HERC3: variants seen among roughly 807,000 people sequenced by gnomAD.
HERC3 encodes the protein HECT and RLD domain containing E3 ubiquitin protein ligase 3.
Under a neutral mutation model 129.9 loss-of-function variants are expected in HERC3, and 58 were observed. The ratio of observed to expected loss-of-function variants is 0.45; its 90% CI spans 0.36 to 0.56. HERC3 has a LOEUF of 0.56. Among genes scored for constraint, HERC3 ranks in the 20% least tolerant of loss-of-function variants. The pLI is 0.00. For synonymous variants in HERC3, 430 were observed against 451.0 expected, an observed-to-expected ratio of 0.95 and a Z score of 0.59; for missense variants, 835 against 1,244.2, an observed-to-expected ratio of 0.67 and a Z score of 4.95.
chr4:88,698,245 A>G (rs1359174072), intron 23 of HERC3, among the ~76,000 whole-genome samples: 2 of 152,050 alleles, frequency 1.3e-5, no homozygotes, highest in East Asian at 3.9e-4. Context: ...ATTCCTCCGC[A>G]TTCCTCTCCA....
At chr4:88,619,670 G>T (rs1725303237) in intron 3 of HERC3, among the ~76,000 whole-genome samples, 2 of 152,154 alleles carry the variant, frequency 1.3e-5, no homozygotes, top group African/African-American at 4.8e-5. Flanking sequence ...AAGCCAAAAG[G>T]TGAGTGATAG....
the HERC3 span, among the ~76,000 whole-genome samples, chr4:88,580,305 G>A: frequency 1.3e-5 from 2 of 151,974 alleles, no homozygotes; most frequent in African/African-American, 4.8e-5. Flanking sequence ...TGGGTGCATC[G>A]CTTGAGGTCA....
chr4:88,652,950 A>G lies in HERC3; in HGVS notation c.545A>G (p.Gln182Arg), dbSNP rs1231936810. ...GKEFPSQASP[Q>R]RVRSLEGIPL... ...GAGTTCCCCTCCCAAGCCAGCCCAC[A>G]GAGGGTGAGGTCCCTGGAGGGGATC... Residue 182 changes from glutamine (Q) to arginine (R), a missense_variant, in exon 6 of 26, where the codon CAG becomes CGG. By Grantham distance (43) the Gln-to-Arg change is conservative. Transcript: ENST00000402738. 1.1e-5 allele frequency: 17 copies of G among 1,614,060 alleles called. No homozygotes were observed. The highest frequency in any genetic ancestry group is 1.4e-5 in the Non-Finnish European group (16 of 1,180,044).
intron 23 of HERC3, chr4:88,693,550 T>A (rs1417691674): frequency 1.1e-6 from 1 of 949,360 alleles, no homozygotes; most frequent in Non-Finnish European, 1.3e-6. Flanking sequence ...ATGAATTAAC[T>A]AGAAGGTGGT....
At chr4:88,692,421 A>G (rs1734165390) in intron 23 of HERC3, among the ~76,000 whole-genome samples, 1 of 152,136 alleles carries the variant, frequency 6.6e-6, no homozygotes, top group Non-Finnish European at 1.5e-5. Context: ...GCCAAACTTA[A>G]GGTAAGTGCT....
chr4:88,611,153 A>G (rs1724271651), intron 3 of HERC3, among the ~76,000 whole-genome samples: 1 of 152,224 alleles, frequency 6.6e-6, no homozygotes, highest in Non-Finnish European at 1.5e-5. Flanking sequence ...TGTTAATTAT[A>G]AACTCCATAG....
the HERC3 span, among the ~76,000 whole-genome samples, chr4:88,572,115 C>A: frequency 6.6e-6 from 1 of 152,136 alleles, no homozygotes; most frequent in African/African-American, 2.4e-5. Flanking sequence ...ACAAGCCAAG[C>A]AGAGAGGTCT....
At chr4:88,698,004 G>A (rs888352463) in intron 23 of HERC3, among the ~76,000 whole-genome samples, 1 of 152,024 alleles carries the variant, frequency 6.6e-6, no homozygotes, top group Admixed American at 6.6e-5. Context: ...CTCAACACCC[G>A]CCTGTTGGAC....
chr4:88,555,692 A>G, the HERC3 span, among the ~76,000 whole-genome samples: 1 of 152,260 alleles, frequency 6.6e-6, no homozygotes, highest in Non-Finnish European at 1.5e-5. Context: ...CTAACCTGAA[A>G]TAAATTAAAA....
intron 3 of HERC3, among the ~76,000 whole-genome samples, chr4:88,608,582 A>G (rs1263932905): frequency 6.6e-6 from 1 of 152,278 alleles, no homozygotes; most frequent in Non-Finnish European, 1.5e-5. Flanking sequence ...TTAATAGAAT[A>G]CAAAGGTATC....
chr4:88,551,488 C>T, the HERC3 span, among the ~76,000 whole-genome samples: 4 of 150,910 alleles, frequency 2.7e-5, no homozygotes, highest in African/African-American at 9.7e-5. Context: ...TGAACAGACA[C>T]TTCTCAAAAG....
At chr4:88,655,125 T>G in intron 7 of HERC3, 49 bp from the exon 8 acceptor site, 1 of 1,606,096 alleles carries the variant, frequency 6.2e-7, no homozygotes, top group Non-Finnish European at 8.5e-7. Context: ...GGTTTAGAGG[T>G]ATACCCTTAA....
At chr4:88,534,352 A>G in the HERC3 span, among the ~76,000 whole-genome samples, 2 of 152,244 alleles carry the variant, frequency 1.3e-5, no homozygotes, top group Non-Finnish European at 2.9e-5. Flanking sequence ...CTTACCATGC[A>G]CAGGACAGCC....
At chr4:88,639,048 C>T (rs1158817734) in intron 3 of HERC3, among the ~76,000 whole-genome samples, 2 of 152,092 alleles carry the variant, frequency 1.3e-5, no homozygotes, top group Non-Finnish European at 2.9e-5. Context: ...CATAAAGGAC[C>T]TCTTCAAGGA....
the HERC3 span, among the ~76,000 whole-genome samples, chr4:88,563,618 C>G: frequency 6.7e-6 from 1 of 149,882 alleles, no homozygotes; most frequent in South Asian, 2.1e-4. Context: ...AGCTGTGGGT[C>G]TGTTGTATAT....
intron 21 of HERC3, among the ~76,000 whole-genome samples, chr4:88,685,731 C>T (rs867036093): frequency 3.3e-5 from 5 of 151,898 alleles, no homozygotes; most frequent in African/African-American, 7.2e-5. Context: ...CAAACCTGCA[C>T]GTTCTGCACA....
At chr4:88,625,633 C>G in intron 3 of HERC3, among the ~76,000 whole-genome samples, 1 of 151,982 alleles carries the variant, frequency 6.6e-6, no homozygotes, top group East Asian at 1.9e-4. Flanking sequence ...ATTTCATTTT[C>G]TTGCCTTATT....
At chr4:88,690,884 T>G (rs1734007573) in intron 23 of HERC3, among the ~76,000 whole-genome samples, 1 of 152,188 alleles carries the variant, frequency 6.6e-6, no homozygotes. Context: ...TGGGAGAAAC[T>G]GCAGGAATAG....
intron 4 of HERC3, among the ~76,000 whole-genome samples, 186 bp from the exon 5 acceptor site, chr4:88,651,826 G>C (rs1040844762): frequency 6.6e-6 from 1 of 152,158 alleles, no homozygotes; most frequent in Non-Finnish European, 1.5e-5. Context: ...GACCTCAGGT[G>C]ATAAGCCCAC....
Sources: gnomAD v4.1 joint callset for allele counts (sites outside exome capture counted in the v4.1 genomes callset) on GRCh38, gnomAD v4.1.1 for gene constraint, MANE v1.5 for transcripts, NCBI Gene and HGNC (gene_info 2026-07-23, HGNC 2026-07-21) for gene names.